Variants in PARL observed in about 807,000 individuals in gnomAD.
PARL encodes the protein presenilin-associated rhomboid-like protein, mitochondrial.
PARL carries 44 observed loss-of-function variants against 51.6 expected under a neutral mutation model. That is an observed-to-expected ratio of 0.85 (90% CI 0.67 to 1.10). The LOEUF is 1.10. PARL is among the 50% of genes least tolerant of loss of function. PARL has a pLI of 0.00. For synonymous variants in PARL, 172 were observed against 164.0 expected (o/e 1.05, Z -0.37); for missense variants, 441 against 469.5 (o/e 0.94, Z 0.56).
At chr3:183,835,387 G>A (rs943130661) in intron 7 of PARL, among the ~76,000 whole-genome samples, 2 of 152,100 alleles carry the variant, frequency 1.3e-5, no homozygotes, top group Admixed American at 1.3e-4. Flanking sequence ...AAATTATTAT[G>A]AGTCCCAGAG....
At chr3:183,833,132 G>A (rs1366124698) in intron 9 of PARL, among the ~76,000 whole-genome samples, 1 of 152,164 alleles carries the variant, frequency 6.6e-6, no homozygotes, top group South Asian at 2.1e-4. Flanking sequence ...AGGGTGGGAC[G>A]CCAGGCAGGG....
intron 1 of PARL, among the ~76,000 whole-genome samples, chr3:183,877,354 T>C (rs1436187088): frequency 1.3e-5 from 2 of 152,244 alleles, no homozygotes; most frequent in African/African-American, 4.8e-5. Context: ...TTTCTTGAGA[T>C]GGAATCTACT....
At chr3:183,826,870 T>A (rs1168319667), downstream of PARL, 1 of 679,120 alleles carries the variant, frequency 1.5e-6, no homozygotes, top group Non-Finnish European at 1.8e-6. Context: ...CAGCTCTCTT[T>A]TTATTACTTC....
intron 1 of PARL, among the ~76,000 whole-genome samples, chr3:183,869,336 T>C (rs774629014): frequency 6.6e-6 from 1 of 152,054 alleles, no homozygotes; most frequent in Non-Finnish European, 1.5e-5. Context: ...GCATCCCTAG[T>C]AGCTGGGATT....
At chr3:183,880,208 G>A (rs777631303) in intron 1 of PARL, among the ~76,000 whole-genome samples, 4 of 152,068 alleles carry the variant, frequency 2.6e-5, no homozygotes, top group East Asian at 1.9e-4. Context: ...GTGAAGCGCC[G>A]CAATAAAATG....
In PARL at chr3:183,867,978, T is replaced by C. The variant is rs145847502; in HGVS notation, c.208A>G (p.Ser70Gly). 393 of 1,614,056 alleles carry C rather than the reference T, an allele frequency of 2.4e-4. 3 individuals carry two copies. The African/African-American group carries it at 4.8e-3, about 20-fold the overall frequency. ...VEPRRSDPGT[S>G]GEAYKRSALI... ...GCACTTCTCTTGTATGCTTCACCAC[T>C]TGTCCCTGGGTCTGATCTTCGAGGT... The change falls in exon 2 of 10, where the codon AGT becomes GGT. Residue 70 changes from serine to glycine, a missense_variant. Coordinates refer to ENST00000317096, the MANE Select transcript of PARL (RefSeq NM_018622.7).
At chr3:183,826,563 C>T, downstream of PARL, 1 of 981,588 alleles carries the variant, frequency 1.0e-6, no homozygotes, top group Non-Finnish European at 1.2e-6. Flanking sequence ...GACTGCAGCA[C>T]ATCCCTGGCC....
intron 3 of PARL, among the ~76,000 whole-genome samples, chr3:183,865,711 A>T (rs114571988): frequency 1.3e-4 from 20 of 152,202 alleles, no homozygotes; most frequent in African/African-American, 4.6e-4. Context: ...AGTCCCTGGT[A>T]CCAAAAAGGT....
rs772702781 is a variant in PARL at position 183,868,013 on chromosome 3, C to T, written c.173G>A (p.Arg58Lys). The change falls in exon 2 of 10, where the codon AGG becomes AAG. Residue 58 changes from arginine to lysine, a missense_variant. Transcript: ENST00000317096. Reference sequence around the variant, plus strand: ...GTCTGATCTTCGAGGTTCAACCTTCCTGGGTGCTTTTCTGAATCCGCATTT... The same window carrying T: ...GTCTGATCTTCGAGGTTCAACCTTCTTGGGTGCTTTTCTGAATCCGCATTT... Reference protein sequence around the residue: ...QQKCGFRKAPRKVEPRRSDPG... With the variant: ...QQKCGFRKAPKKVEPRRSDPG... 24 of 1,614,062 alleles carry T rather than the reference C, an allele frequency of 1.5e-5. No individual in the cohort carries two copies. In the South Asian group the frequency reaches 2.6e-4, roughly 18 times the overall value.
At chr3:183,860,471 TCA>T (rs1200519256) in intron 4 of PARL, among the ~76,000 whole-genome samples, 10 of 152,214 alleles carry the variant, frequency 6.6e-5, no homozygotes, top group African/African-American at 2.4e-4. Flanking sequence ...GCATGACCAT[TCA>T]CATTTATGTT....
At chr3:183,859,750 G>A (rs1232834151) in intron 4 of PARL, among the ~76,000 whole-genome samples, 1 of 152,118 alleles carries the variant, frequency 6.6e-6, no homozygotes, top group East Asian at 1.9e-4. Context: ...AAAGAGACAT[G>A]GATAAATTTG....
chr3:183,855,529 G>C, intron 4 of PARL, among the ~76,000 whole-genome samples: 1 of 152,124 alleles, frequency 6.6e-6, no homozygotes, highest in Non-Finnish European at 1.5e-5. Context: ...GACCAGGGGT[G>C]GGGGGATGGT....
chr3:183,835,746 A>C (rs1014454201), intron 7 of PARL, among the ~76,000 whole-genome samples: 1 of 152,102 alleles, frequency 6.6e-6, no homozygotes, highest in Non-Finnish European at 1.5e-5. Flanking sequence ...GGGCGCCTGT[A>C]GTCCCAGCTA....
downstream of PARL, chr3:183,826,668 C>T (rs1314713955): frequency 2.0e-6 from 2 of 985,192 alleles, no homozygotes; most frequent in African/African-American, 1.7e-5. Flanking sequence ...GGCAGCAGGT[C>T]AGCTGAGCAG....
intron 4 of PARL, among the ~76,000 whole-genome samples, chr3:183,849,799 G>A (rs1343221716): frequency 6.6e-6 from 1 of 152,016 alleles, no homozygotes; most frequent in Non-Finnish European, 1.5e-5. Flanking sequence ...TCTGAGATTT[G>A]CTAAAAAAGA....
In PARL at chr3:183,875,810, A is replaced by G. The variant is rs563769625; in HGVS notation, c.126-7750T>C. Among the ~76,000 whole-genome samples, 60 of 152,320 alleles carry G rather than the reference A, an allele frequency of 3.9e-4. 1 individual carries two copies. In the South Asian group the frequency reaches 0.011, roughly 29 times the overall value. ...GAAGAAGATGCCATCTAAGACTTTCATAGCTACAGGTGAGGAGGCAATGCC... is the reference window on the plus strand; with the variant it reads ...GAAGAAGATGCCATCTAAGACTTTCGTAGCTACAGGTGAGGAGGCAATGCC... On this transcript the variant is annotated intron_variant, in intron 1 of 9. Transcript: ENST00000317096.
intron 7 of PARL, among the ~76,000 whole-genome samples, chr3:183,835,098 G>C (rs1287316156): frequency 6.6e-6 from 1 of 150,452 alleles, no homozygotes; most frequent in Non-Finnish European, 1.5e-5. Context: ...GACTTTATGG[G>C]AGTCCTCTGT....
At position 183,863,858 on chromosome 3, in the gene PARL, T is replaced by C. The variant is rs1399173128; in HGVS notation, c.463-1057A>G. 2.0e-5 allele frequency among the ~76,000 whole-genome samples: 3 copies of C among 152,370 alleles called. No homozygotes were observed. In the East Asian group the frequency reaches 5.8e-4, roughly 29 times the overall value. On this transcript the variant is annotated intron_variant, in intron 3 of 9. Coordinates refer to ENST00000317096, the MANE Select transcript of PARL (RefSeq NM_018622.7). ...TTAAATTTACACATTGTTTCAAACT[T>C]CTTTAATGGGCATAGGTTTTATACA... is the stretch of plus-strand genomic sequence containing the variant.
intron 3 of PARL, among the ~76,000 whole-genome samples, chr3:183,863,242 TA>T (rs1732049354): frequency 7.9e-5 from 12 of 152,116 alleles, no homozygotes; most frequent in Admixed American, 7.9e-4. Flanking sequence ...AAAGATATAG[TA>T]ATGGTACTGG....
Sources: allele counts gnomAD v4.1 joint callset (sites outside exome capture counted in the v4.1 genomes callset), GRCh38; gene constraint gnomAD v4.1.1; transcripts MANE v1.5; gene names NCBI Gene and HGNC (gene_info 2026-07-23, HGNC 2026-07-21).